The following DNAH2 variants were observed in gnomAD, a reference collection of about 807,000 sequenced individuals.
DNAH2 encodes the protein axonemal beta dynein heavy chain 2.
A neutral mutation model predicts 523.5 loss-of-function variants in DNAH2; 323 were observed. The observed-to-expected ratio is 0.62, with a 90% CI of 0.56 to 0.68. The LOEUF is 0.68. DNAH2 is among the 30% of genes least tolerant of loss of function. The probability of loss-of-function intolerance (pLI) is 0.00; values close to 1 mark genes in which losing one functional copy is unlikely to be tolerated. For synonymous variants in DNAH2, 2,093 were observed against 2,177.4 expected (o/e 0.96, Z 1.08); for missense variants, 4,907 against 5,701.5 (o/e 0.86, Z 4.49).
At chr17:7,790,648 GCTCCTCA>G (rs2076871705) in intron 44 of DNAH2, among the ~76,000 whole-genome samples, 1 of 151,972 alleles carries the variant, frequency 6.6e-6, no homozygotes, top group South Asian at 2.1e-4. Context: ...GTCCTGATCT[GCTCCTCA>G]CTCCACACAA....
rs149006990 is a variant in DNAH2 at position 7,788,278 on chromosome 17, G to A, written c.6900+34G>A. The A allele has an allele frequency of 1.6e-4, 247 of 1,531,402 alleles. 2 individuals carry two copies. In the African/African-American group the frequency reaches 2.8e-3, roughly 18 times the overall value. 94.9% of individuals were successfully genotyped at this position (1,531,402 alleles called of 1,614,324 possible). On this transcript the variant is annotated intron_variant, in intron 44 of 85. Transcript: ENST00000572933. The stretch of plus-strand genomic sequence containing the variant: ...AGGACACAGACCACGGGCAGGGGCA[G>A]GGGGTGCTCACAGCCTCACCAGAAC...
At position 7,754,208 on chromosome 17, in the gene DNAH2, C is replaced by T. The variant is rs571840098; in HGVS notation, c.1905-2883C>T. The T allele has an allele frequency of 2.1e-4, 38 of 182,680 alleles. No individual in the cohort carries two copies. The highest frequency in any genetic ancestry group is 7.5e-4 in the African/African-American group (32 of 42,496). The allele number at this position is 182,680 out of a possible 1,614,324, so 11.3% of individuals were successfully genotyped here. On this transcript the variant is annotated intron_variant, in intron 12 of 85. Transcript: ENST00000572933. The surrounding 1 kb of genome is among the most constrained non-coding windows in gnomAD (Gnocchi z 4.6). The stretch of plus-strand genomic sequence containing the variant: ...TGAAGAAGGACAGGAGTTGAAGGGG[C>T]GCTGTTTTTTATCCTTTTAATATTG...
In DNAH2 at chr17:7,792,560, G is replaced by T. The variant is rs970465639; in HGVS notation, c.7146-97G>T. On this transcript the variant is annotated intron_variant, in intron 46 of 85. Transcript: ENST00000572933. ...TCCCCAGGCCCCACAGGAGGGCAGG[G>T]TGCTGATGAGACAGTGGTGACGTAG... 3.5e-6 allele frequency: 4 copies of T among 1,129,270 alleles called. No individual in the cohort carries two copies. The Admixed American group carries it at 7.9e-5, about 22-fold the overall frequency. The allele number at this position is 1,129,270 out of a possible 1,614,324, so 70.0% of individuals were successfully genotyped here.
At position 7,818,718 on chromosome 17, in the gene DNAH2, G is replaced by C; in HGVS notation, c.10612G>C (p.Val3538Leu). The change falls in exon 70 of 86, where the codon GTC becomes CTC. Residue 3538 changes from valine to leucine, a missense_variant. This residue lies in a region of DNAH2 where 1,851 missense variants were observed against 2,139.4 expected (regional missense o/e 0.87). Coordinates refer to ENST00000572933, the MANE Select transcript of DNAH2 (RefSeq NM_020877.5). ...PELEEQKDSLVINIAAGKRKL... is the reference protein window; with the variant it reads ...PELEEQKDSLLINIAAGKRKL... The stretch of plus-strand genomic sequence containing the variant: ...GCTGGAGGAGCAGAAGGACTCACTG[G>C]TCATCAACATCGCGGCTGGTAAAAG... 1 of 1,614,116 alleles carries C rather than the reference G, an allele frequency of 6.2e-7. No homozygotes were observed. Among genetic ancestry groups the C allele is most frequent in the Non-Finnish European group, 8.5e-7 (1 of 1,180,014 alleles).
intron 49 of DNAH2, among the ~76,000 whole-genome samples, chr17:7,794,972 C>T (rs2077023136): frequency 6.6e-6 from 1 of 152,062 alleles, no homozygotes; most frequent in African/African-American, 2.4e-5. Flanking sequence ...CCAGTCTGGT[C>T]TCAAACTCCT....
chr17:7,762,393 T>C (rs1349457609), intron 18 of DNAH2, among the ~76,000 whole-genome samples: 1 of 144,916 alleles, frequency 6.9e-6, no homozygotes, highest in East Asian at 2.1e-4. Flanking sequence ...TGGAGTGCAA[T>C]GGCGCCATCT....
At position 7,807,184 on chromosome 17, in the gene DNAH2, T is replaced by C. The variant is rs1269997496; in HGVS notation, c.9477T>C (p.Phe3159=). Residue 3159 remains phenylalanine, a synonymous_variant, in exon 62 of 86, where the codon TTT becomes TTC. Transcript: ENST00000572933. The surrounding 1 kb of genome is among the most constrained non-coding windows in gnomAD (Gnocchi z 5.6). Reference sequence around the variant, plus strand: ...ACTTCATCAAGTCACTGATCAACTTTGATAAAGACAATATCTCAGATAAGG... The same window carrying C: ...ACTTCATCAAGTCACTGATCAACTTCGATAAAGACAATATCTCAGATAAGG... The part of the protein sequence containing the change: ...EQNFIKSLIN[F]DKDNISDKVL... 6 of 1,610,870 alleles carry C rather than the reference T, an allele frequency of 3.7e-6. No homozygotes were observed. In the African/African-American group the frequency reaches 8.0e-5, roughly 22 times the overall value.
At chr17:7,774,678 A>G in intron 28 of DNAH2, 81 bp from the exon 29 acceptor site, 1 of 1,285,032 alleles carries the variant, frequency 7.8e-7, no homozygotes, top group East Asian at 2.4e-5. Context: ...AAGAGCTGGC[A>G]AAGAACACAG....
At chr17:7,822,305 G>A (rs991860361) in intron 73 of DNAH2, among the ~76,000 whole-genome samples, 4 of 152,022 alleles carry the variant, frequency 2.6e-5, no homozygotes, top group Non-Finnish European at 5.9e-5. Flanking sequence ...CCATTGTGAC[G>A]GGCTCCCCAT....
chr17:7,794,781 G>T (rs1177160242), intron 49 of DNAH2, among the ~76,000 whole-genome samples: 2 of 146,978 alleles, frequency 1.4e-5, no homozygotes, highest in Non-Finnish European at 1.5e-5. Context: ...TTGAGACAGG[G>T]TCTCACTCTG....
chr17:7,733,022 C>A, intron 4 of DNAH2, 65 bp from the exon 5 acceptor site: 1 of 1,553,126 alleles, frequency 6.4e-7, no homozygotes. Context: ...CTCAGCCGGG[C>A]TTTTGTGACT....
At chr17:7,772,352 T>C (rs754098768) in intron 28 of DNAH2, among the ~76,000 whole-genome samples, 22 of 152,214 alleles carry the variant, frequency 1.4e-4, no homozygotes, top group African/African-American at 4.6e-4. Context: ...AGTTATGGTA[T>C]GCAAAGTTGA....
chr17:7,817,615 T>G lies in DNAH2; in HGVS notation c.10075T>G (p.Cys3359Gly). Residue 3359 changes from cysteine to glycine, a missense_variant, in exon 66 of 86, where the codon TGC becomes GGC. Physicochemically the swap from Cys to Gly is radical, Grantham distance 159 (BLOSUM62 -3). This residue lies in a region of DNAH2 where 1,851 missense variants were observed against 2,139.4 expected (regional missense o/e 0.87). Transcript: ENST00000572933. ...SPSFAIDNFL[C>G]NPTKVRDWNI... ...TTCTTTCGCCATCGATAACTTCCTG[T>G]GCAATCCTACCAAAGTCCGGGACTG... 6.2e-7 allele frequency: 1 copy of G among 1,614,164 alleles called. No homozygotes were observed. Among genetic ancestry groups the G allele is most frequent in the Non-Finnish European group, 8.5e-7 (1 of 1,180,034 alleles).
chr17:7,768,795 G>A (rs536268385), intron 24 of DNAH2, among the ~76,000 whole-genome samples: 1 of 152,246 alleles, frequency 6.6e-6, no homozygotes, highest in African/African-American at 2.4e-5. Context: ...GCGATCATGC[G>A]GTGTTTGTCT....
chr17:7,726,074 C>T (rs77095095), intron 3 of DNAH2, among the ~76,000 whole-genome samples: 27,553 of 152,052 alleles, frequency 0.18, 3,145 homozygotes, highest in Middle Eastern at 0.33. Context: ...GGTGCAATCT[C>T]GGGTCACTGC....
chr17:7,830,360 T>A lies in DNAH2; in HGVS notation c.11914T>A (p.Cys3972Ser). The change falls in exon 78 of 86, where the codon TGC becomes AGC. Residue 3972 changes from cysteine (C) to serine (S), a missense_variant. Cys to Ser is a moderately radical substitution (Grantham distance 112). Coordinates refer to ENST00000572933, the MANE Select transcript of DNAH2 (RefSeq NM_020877.5). ...QLMSEPQFSRCSKPAKYKKLL... is the reference protein window; with the variant it reads ...QLMSEPQFSRSSKPAKYKKLL... ...GATGTCAGAACCACAGTTTTCCCGCTGCTCCAAACCTGCCAAATATAAGAA... is the reference window on the plus strand; with the variant it reads ...GATGTCAGAACCACAGTTTTCCCGCAGCTCCAAACCTGCCAAATATAAGAA... The A allele has an allele frequency of 1.2e-6, 2 of 1,614,272 alleles. No homozygotes were observed. The highest frequency in any genetic ancestry group is 1.7e-6 in the Non-Finnish European group (2 of 1,180,046).
Position 7,807,398 on chromosome 17 carries a change from G to C in DNAH2, c.9613-72G>C. On this transcript the variant is annotated intron_variant, in intron 62 of 85. Transcript: ENST00000572933. The surrounding 1 kb of genome is among the most constrained non-coding windows in gnomAD (Gnocchi z 5.6). ...GCGGATGCACAGACCCAGGTGGAAGGAGGGGATGCCTGGAGGTGAGGGGGT... is the reference window on the plus strand; with the variant it reads ...GCGGATGCACAGACCCAGGTGGAAGCAGGGGATGCCTGGAGGTGAGGGGGT... 1 of 1,605,370 alleles carries C rather than the reference G, an allele frequency of 6.2e-7. No homozygotes were observed. The highest frequency in any genetic ancestry group is 8.5e-7 in the Non-Finnish European group (1 of 1,176,584).
rs2076745451 is a variant in DNAH2 at position 7,786,710 on chromosome 17, TG to T, written c.6466+25del. 7.4e-6 allele frequency: 12 copies of T among 1,611,676 alleles called. No homozygotes were observed. Among genetic ancestry groups the T allele is most frequent in the Non-Finnish European group, 1.0e-5 (12 of 1,178,580 alleles). On this transcript the variant is annotated intron_variant, in intron 41 of 85. Coordinates refer to ENST00000572933, the MANE Select transcript of DNAH2 (RefSeq NM_020877.5). This position sits in a 1 kb window ranked among gnomAD's most constrained non-coding sequence, Gnocchi z 7.5. ...CAGGTATCCAGAGGATCGTGGGGTG[TG>T]GAGAGCAGACGCCTGAGTCTCCTAA...
chr17:7,826,391 T>C (rs1452789740), intron 77 of DNAH2, among the ~76,000 whole-genome samples: 2 of 152,206 alleles, frequency 1.3e-5, no homozygotes, highest in Admixed American at 6.5e-5. Context: ...GTTTGGGATA[T>C]AGTCCTGGAG....
Sources: gnomAD v4.1 joint callset for allele counts (sites outside exome capture counted in the v4.1 genomes callset) on GRCh38, gnomAD v4.1.1 for gene constraint, gnomAD v4.1.1 regional missense constraint, Gnocchi (gnomAD v3.1) non-coding constraint, MANE v1.5 for transcripts, NCBI Gene and HGNC (gene_info 2026-07-23, HGNC 2026-07-21) for gene names.